The following VAV2 variants were observed in gnomAD, a reference collection of about 807,000 sequenced individuals.
VAV2 encodes vav guanine nucleotide exchange factor 2, also known as guanine nucleotide exchange factor VAV2.
In VAV2, 67 loss-of-function variants were observed where a neutral mutation model predicts 132.5. The ratio of observed to expected loss-of-function variants is 0.51; its 90% confidence interval spans 0.42 to 0.62. The LOEUF (loss-of-function observed/expected upper bound fraction) is 0.62. VAV2 is among the 20% of genes least tolerant of loss of function. The pLI is 0.00. For synonymous variants in VAV2, 492 were observed against 443.5 expected (o/e 1.11, Z -1.37); for missense variants, 938 against 1,153.6 (o/e 0.81, Z 2.71).
chr9:133,944,800 G>A (rs1240369943), intron 1 of VAV2, among the ~76,000 whole-genome samples: 1 of 152,258 alleles, frequency 6.6e-6, no homozygotes, highest in African/African-American at 2.4e-5. Flanking sequence ...GGCCCCAGCT[G>A]GACCATGCAG....
chr9:133,901,939 C>T (rs1297958476), intron 2 of VAV2, among the ~76,000 whole-genome samples: 1 of 152,186 alleles, frequency 6.6e-6, no homozygotes, highest in Non-Finnish European at 1.5e-5. Flanking sequence ...GCCGACGTCC[C>T]TACCATGCAC....
chr9:133,974,170 T>G (rs1842431141), intron 1 of VAV2, among the ~76,000 whole-genome samples: 1 of 145,018 alleles, frequency 6.9e-6, no homozygotes, highest in Admixed American at 6.8e-5. Flanking sequence ...CCCTCCACAC[T>G]GCCTGTGTGG....
At chr9:133,963,478 A>G (rs1842029579) in intron 1 of VAV2, among the ~76,000 whole-genome samples, 1 of 152,180 alleles carries the variant, frequency 6.6e-6, no homozygotes, top group Non-Finnish European at 1.5e-5. Context: ...TCCACACTCC[A>G]AGTCGGCCAG....
chr9:133,960,457 C>CG (rs1841931106), intron 1 of VAV2, among the ~76,000 whole-genome samples: 2 of 152,198 alleles, frequency 1.3e-5, no homozygotes, highest in African/African-American at 4.8e-5. Context: ...GTGCCGGCCA[C>CG]GGGAGCCTCT....
chr9:133,938,079 T>C (rs2132131641), intron 2 of VAV2, among the ~76,000 whole-genome samples: 1 of 152,324 alleles, frequency 6.6e-6, no homozygotes, highest in South Asian at 2.1e-4. Flanking sequence ...CAAACCCAAA[T>C]TCCCTCTGCG....
At chr9:133,789,689 G>C (rs929184107) in intron 13 of VAV2, among the ~76,000 whole-genome samples, 41 of 150,172 alleles carry the variant, frequency 2.7e-4, no homozygotes, top group African/African-American at 9.7e-4. Flanking sequence ...GGAAAAGCCA[G>C]AAGCCCAAGC....
intron 2 of VAV2, among the ~76,000 whole-genome samples, chr9:133,869,695 C>T (rs1277525588): frequency 6.6e-6 from 1 of 152,232 alleles, no homozygotes; most frequent in Admixed American, 6.5e-5. Context: ...CCAGCCTGCT[C>T]TCAGAGGCTC....
chr9:133,872,934 G>C (rs1036388236), intron 2 of VAV2, among the ~76,000 whole-genome samples: 2 of 152,092 alleles, frequency 1.3e-5, no homozygotes, highest in African/African-American at 4.8e-5. Flanking sequence ...GCAACGTGGT[G>C]AAACCCCATC....
chr9:133,875,837 T>C (rs1838241061), intron 2 of VAV2, among the ~76,000 whole-genome samples: 2 of 152,066 alleles, frequency 1.3e-5, no homozygotes, highest in African/African-American at 4.8e-5. Flanking sequence ...ACCTCCGGAG[T>C]GGCTGGGCAG....
At chr9:133,973,607 C>T (rs1842412543) in intron 1 of VAV2, among the ~76,000 whole-genome samples, 1 of 148,414 alleles carries the variant, frequency 6.7e-6, no homozygotes, top group African/African-American at 2.5e-5. Flanking sequence ...GCACGCCCTA[C>T]AGAGAAGGAA....
Position 133,879,036 on chromosome 9 carries a change from G to A in VAV2, c.322-17604C>T, listed in dbSNP as rs1237861671. 5.3e-5 allele frequency among the ~76,000 whole-genome samples: 8 copies of A among 152,112 alleles called. No individual in the cohort carries two copies. Among genetic ancestry groups the A allele is most frequent in the Admixed American group, 2.0e-4 (3 of 15,284 alleles). The stretch of plus-strand genomic sequence containing the variant: ...GGAGGTGTCTCCTCAGGATCCCCCC[G>A]TTCCCCAGGCATCATCCGCCCCCAT... On this transcript the variant is annotated intron_variant, in intron 2 of 29. Coordinates refer to ENST00000371850, the MANE Select transcript of VAV2 (RefSeq NM_001134398.2). The surrounding 1 kb of genome is among the most constrained non-coding windows in gnomAD (Gnocchi z 4.4).
Position 133,897,051 on chromosome 9 carries a change from G to A in VAV2, c.322-35619C>T, listed in dbSNP as rs537350161. On this transcript the variant is annotated intron_variant, in intron 2 of 29. Transcript: ENST00000371850. ...GGAGCTTGCAGTGAGCCGACATCGT[G>A]CCACTGCACTCCAGCCTGGGCGACA... Among the ~76,000 whole-genome samples, 71 of 152,234 alleles carry A rather than the reference G, an allele frequency of 4.7e-4. No homozygotes were observed. In the East Asian group the frequency reaches 5.8e-3, roughly 12 times the overall value.
Position 133,868,854 on chromosome 9 carries a change from G to C in VAV2, c.322-7422C>G, listed in dbSNP as rs570303412. On this transcript the variant is annotated intron_variant, in intron 2 of 29. Transcript: ENST00000371850. Reference sequence around the variant, plus strand: ...CCAGGCAATAGTGACCCAGAACAATGACCCAGGTGGATGCAGGTGTGCCTT... The same window carrying C: ...CCAGGCAATAGTGACCCAGAACAATCACCCAGGTGGATGCAGGTGTGCCTT... 2.1e-3 allele frequency among the ~76,000 whole-genome samples: 326 copies of C among 152,312 alleles called. 9 individuals are homozygous for C. The South Asian group carries it at 0.029, about 13-fold the overall frequency.
intron 2 of VAV2, among the ~76,000 whole-genome samples, chr9:133,936,726 G>A (rs1309819396): frequency 3.9e-5 from 6 of 152,114 alleles, no homozygotes; most frequent in Non-Finnish European, 7.4e-5. Context: ...GGGTCTGCAC[G>A]GTGACATCAC....
At chr9:133,864,044 A>G (rs542633235) in intron 2 of VAV2, among the ~76,000 whole-genome samples, 3 of 152,222 alleles carry the variant, frequency 2.0e-5, no homozygotes, top group Admixed American at 6.5e-5. Flanking sequence ...TCAGGCAATG[A>G]TCAAACACCT....
At position 133,961,901 on chromosome 9, in the gene VAV2, C is replaced by G. The variant is rs904827108; in HGVS notation, c.205-22682G>C. On this transcript the variant is annotated intron_variant, in intron 1 of 29. Coordinates refer to ENST00000371850, the MANE Select transcript of VAV2 (RefSeq NM_001134398.2). This position sits in a 1 kb window ranked among gnomAD's most constrained non-coding sequence, Gnocchi z 4.1. Reference sequence around the variant, plus strand: ...GAGCCTCATCCACCCAGAGGGTGCCCCCACCCTGACTCCTCACCCCACGGT... The same window carrying G: ...GAGCCTCATCCACCCAGAGGGTGCCGCCACCCTGACTCCTCACCCCACGGT... Among the ~76,000 whole-genome samples, 15 of 152,124 alleles carry G rather than the reference C, an allele frequency of 9.9e-5. No individual in the cohort carries two copies. The highest frequency in any genetic ancestry group is 1.9e-4 in the Non-Finnish European group (13 of 67,996).
At chr9:133,848,196 C>T (rs1410869938) in intron 3 of VAV2, among the ~76,000 whole-genome samples, 9 of 143,488 alleles carry the variant, frequency 6.3e-5, no homozygotes, top group South Asian at 2.3e-4. Context: ...AGGAGAATGG[C>T]GTGAACCCAG....
At chr9:133,975,265 C>T (rs537808077) in intron 1 of VAV2, among the ~76,000 whole-genome samples, 1 of 152,270 alleles carries the variant, frequency 6.6e-6, no homozygotes, top group South Asian at 2.1e-4. Flanking sequence ...GACACAAACC[C>T]ATATCCTCGC....
At chr9:133,869,452 A>T (rs942422076) in intron 2 of VAV2, among the ~76,000 whole-genome samples, 5 of 142,302 alleles carry the variant, frequency 3.5e-5, no homozygotes, top group South Asian at 4.3e-4. Flanking sequence ...CAAAAAATAA[A>T]AAAAAAAAAT....
Sources: gnomAD v4.1 joint callset for allele counts (sites outside exome capture counted in the v4.1 genomes callset) on GRCh38, gnomAD v4.1.1 for gene constraint, Gnocchi (gnomAD v3.1) non-coding constraint, MANE v1.5 for transcripts, NCBI Gene and HGNC (gene_info 2026-07-23, HGNC 2026-07-21) for gene names.